The following BTBD9 variants were observed in gnomAD, a reference collection of about 807,000 sequenced individuals.
The protein encoded by BTBD9 is BTB/POZ domain-containing protein 9.
A neutral mutation model predicts 64.3 loss-of-function variants in BTBD9; 49 were observed. The ratio of observed to expected loss-of-function variants is 0.76; its 90% CI spans 0.61 to 0.97. The LOEUF is 0.97. BTBD9 is among the 50% of genes least tolerant of loss of function. The probability of loss-of-function intolerance (pLI) is 0.00; values close to 1 mark genes in which losing one functional copy is unlikely to be tolerated. For missense variants in BTBD9, 598 were observed against 762.1 expected, an observed-to-expected ratio of 0.78 and a Z score of 2.53; for synonymous variants, 260 against 274.7, an observed-to-expected ratio of 0.95 and a Z score of 0.53.
At chr6:38,483,305 A>G (rs1456446000) in intron 6 of BTBD9, among the ~76,000 whole-genome samples, 1 of 151,654 alleles carries the variant, frequency 6.6e-6, no homozygotes, top group East Asian at 1.9e-4. Context: ...TCTGTTACCT[A>G]CTGCCCTCTC....
chr6:38,615,431 C>T (rs983332488), intron 1 of BTBD9, among the ~76,000 whole-genome samples: 1 of 152,174 alleles, frequency 6.6e-6, no homozygotes, highest in Non-Finnish European at 1.5e-5. Context: ...AGCTCTGCAA[C>T]CCAACCACCT....
intron 1 of BTBD9, among the ~76,000 whole-genome samples, chr6:38,603,598 T>C (rs548046829): frequency 2.2e-4 from 33 of 152,362 alleles, no homozygotes; most frequent in African/African-American, 7.5e-4. Context: ...CAGAGCTAAC[T>C]ACATTTTTTA....
At chr6:38,219,120 CTTTCT>C (rs1171016915) in intron 9 of BTBD9, among the ~76,000 whole-genome samples, 1 of 137,700 alleles carries the variant, frequency 7.3e-6, no homozygotes, top group African/African-American at 2.7e-5. Flanking sequence ...ATTACTATCA[CTTTCT>C]TTTCTTTTTT....
At chr6:38,191,441 T>G (rs1762066621) in intron 10 of BTBD9, among the ~76,000 whole-genome samples, 1 of 152,162 alleles carries the variant, frequency 6.6e-6, no homozygotes, top group African/African-American at 2.4e-5. Context: ...CTTTCTGCTT[T>G]CATCTAGGGT....
chr6:38,588,323 C>T, intron 4 of BTBD9: 1 of 983,254 alleles, frequency 1.0e-6, no homozygotes, highest in South Asian at 1.3e-5. Context: ...CAAATTTATA[C>T]TACCCAAACT....
chr6:38,205,258 AAAAGATCCGCACC>A (rs1445445300), intron 9 of BTBD9, among the ~76,000 whole-genome samples: 1 of 152,204 alleles, frequency 6.6e-6, no homozygotes, highest in African/African-American at 2.4e-5. Flanking sequence ...AAGAAATGAG[AAAAGATCCGCACC>A]AAAGTATATT....
chr6:38,256,605 T>C, intron 8 of BTBD9, 89 bp from the exon 9 acceptor site: 1 of 854,274 alleles, frequency 1.2e-6, no homozygotes, highest in Non-Finnish European at 1.9e-6. Context: ...ACCCACCTCC[T>C]TTGTTCAGCA....
chr6:38,522,485 C>T (rs2127421017), intron 6 of BTBD9, among the ~76,000 whole-genome samples: 1 of 152,328 alleles, frequency 6.6e-6, no homozygotes, highest in Non-Finnish European at 1.5e-5. Context: ...TGACTATGTG[C>T]TCTGTTTGCA....
chr6:38,366,701 A>G (rs1765196344), intron 6 of BTBD9, among the ~76,000 whole-genome samples: 1 of 152,214 alleles, frequency 6.6e-6, no homozygotes, highest in African/African-American at 2.4e-5. Flanking sequence ...CCCATGAAGG[A>G]AGTGGAAAAG....
At chr6:38,311,655 A>C (rs1054829758) in intron 7 of BTBD9, among the ~76,000 whole-genome samples, 1 of 152,208 alleles carries the variant, frequency 6.6e-6, no homozygotes, top group African/African-American at 2.4e-5. Flanking sequence ...AGGAACCTCC[A>C]AACTGTTCTC....
chr6:38,542,299 G>A (rs1270803133), intron 6 of BTBD9, among the ~76,000 whole-genome samples: 1 of 152,142 alleles, frequency 6.6e-6, no homozygotes, highest in Non-Finnish European at 1.5e-5. Flanking sequence ...CGCACCCACA[G>A]TATGTCTTTT....
At chr6:38,502,145 G>T (rs1431860620) in intron 6 of BTBD9, among the ~76,000 whole-genome samples, 1 of 152,140 alleles carries the variant, frequency 6.6e-6, no homozygotes, top group African/African-American at 2.4e-5. Flanking sequence ...GTTGTAAAGG[G>T]GATTCAAATG....
intron 6 of BTBD9, among the ~76,000 whole-genome samples, chr6:38,574,322 T>C (rs1309274907): frequency 1.3e-5 from 2 of 152,188 alleles, no homozygotes; most frequent in Non-Finnish European, 2.9e-5. Flanking sequence ...ATGTTATATA[T>C]ATTTTACCAA....
chr6:38,576,655 T>A (rs1776047825), intron 6 of BTBD9, among the ~76,000 whole-genome samples: 1 of 152,092 alleles, frequency 6.6e-6, no homozygotes, highest in African/African-American at 2.4e-5. Flanking sequence ...GGGTCATGGG[T>A]GAGGGGCCAG....
At chr6:38,252,419 C>A (rs1052763053) in intron 9 of BTBD9, among the ~76,000 whole-genome samples, 18 of 152,106 alleles carry the variant, frequency 1.2e-4, no homozygotes, top group Admixed American at 5.2e-4. Context: ...TTTCTTAAGA[C>A]CTAACTTTAA....
At chr6:38,626,914 T>G (rs755055695) in intron 1 of BTBD9, among the ~76,000 whole-genome samples, 21 of 152,192 alleles carry the variant, frequency 1.4e-4, no homozygotes, top group Admixed American at 1.1e-3. Context: ...AAAAACTCAT[T>G]TGGTGATTTC....
chr6:38,537,727 C>T (rs1444216862), intron 6 of BTBD9, among the ~76,000 whole-genome samples: 1 of 152,160 alleles, frequency 6.6e-6, no homozygotes, highest in Non-Finnish European at 1.5e-5. Flanking sequence ...TCTTCTACAG[C>T]AAATTTTAGC....
intron 9 of BTBD9, among the ~76,000 whole-genome samples, chr6:38,238,117 CA>C (rs1237252186): frequency 2.0e-5 from 3 of 152,190 alleles, no homozygotes; most frequent in Non-Finnish European, 4.4e-5. Flanking sequence ...TCTTAAAAAA[CA>C]AAACAAAATC....
intron 4 of BTBD9, among the ~76,000 whole-genome samples, chr6:38,589,135 T>C (rs533005996): frequency 6.6e-6 from 1 of 152,310 alleles, no homozygotes; most frequent in African/African-American, 2.4e-5. Flanking sequence ...GAGCTCCCCC[T>C]CATTCACTTC....
Sources: allele counts gnomAD v4.1 joint callset (sites outside exome capture counted in the v4.1 genomes callset), GRCh38; gene constraint gnomAD v4.1.1; transcripts MANE v1.5; gene names NCBI Gene and HGNC (gene_info 2026-07-23, HGNC 2026-07-21).